Variants in DGLUCY observed in about 807,000 individuals in gnomAD.
DGLUCY encodes the protein D-glutamate cyclase, also known as D-glutamate cyclase, mitochondrial.
DGLUCY carries 58 observed loss-of-function variants against 58.5 expected under a neutral mutation model. The ratio of observed to expected loss-of-function variants is 0.99; its 90% CI spans 0.80 to 1.23. The LOEUF (loss-of-function observed/expected upper bound fraction) is 1.23, where lower values mean the gene tolerates loss of function less well. DGLUCY is among the 50% of genes most tolerant of loss of function. DGLUCY has a pLI of 0.00. For synonymous variants in DGLUCY, 325 were observed against 314.1 expected, an observed-to-expected ratio of 1.03 and a Z score of -0.37; for missense variants, 779 against 784.7, an observed-to-expected ratio of 0.99 and a Z score of 0.09.
At chr14:91,158,700 C>T (rs1041665617) in intron 2 of DGLUCY, among the ~76,000 whole-genome samples, 4 of 152,164 alleles carry the variant, frequency 2.6e-5, no homozygotes, top group African/African-American at 9.7e-5. Context: ...CAAACACTTA[C>T]TGAACTCCCA....
At chr14:91,069,514 A>G (rs2043880622) in intron 1 of DGLUCY, among the ~76,000 whole-genome samples, 1 of 152,178 alleles carries the variant, frequency 6.6e-6, no homozygotes, top group South Asian at 2.1e-4. Context: ...TCCTGACCTC[A>G]GGTGATCCGC....
chr14:91,168,901 A>G (rs1455736147), intron 4 of DGLUCY, among the ~76,000 whole-genome samples: 1 of 152,190 alleles, frequency 6.6e-6, no homozygotes, highest in Non-Finnish European at 1.5e-5. Context: ...AGCCTGGCCA[A>G]CGCGGTGAAA....
intron 6 of DGLUCY, among the ~76,000 whole-genome samples, chr14:91,175,389 G>A (rs1229029090): frequency 6.6e-6 from 1 of 152,150 alleles, no homozygotes; most frequent in African/African-American, 2.4e-5. Flanking sequence ...ACATTAGACA[G>A]AACCTAGCCT....
chr14:91,127,538 G>C (rs1182538873), intron 1 of DGLUCY, among the ~76,000 whole-genome samples: 2 of 152,260 alleles, frequency 1.3e-5, no homozygotes, highest in African/African-American at 2.4e-5. Context: ...CTGGGCCAGA[G>C]GGATGAGGCC....
intron 1 of DGLUCY, among the ~76,000 whole-genome samples, chr14:91,086,915 C>T (rs1348452034): frequency 1.3e-5 from 2 of 152,088 alleles, no homozygotes; most frequent in East Asian, 1.9e-4. Context: ...CCACACCTGG[C>T]TAATTTTTTG....
At chr14:91,104,826 C>T (rs1013620366), upstream of DGLUCY, among the ~76,000 whole-genome samples, 2 of 152,162 alleles carry the variant, frequency 1.3e-5, no homozygotes, top group Admixed American at 6.5e-5. Context: ...CTCTCAGCTT[C>T]CCTGCTGTTG....
intron 1 of DGLUCY, among the ~76,000 whole-genome samples, chr14:91,120,304 T>C (rs1316889813): frequency 6.6e-6 from 1 of 152,190 alleles, no homozygotes; most frequent in Non-Finnish European, 1.5e-5. Context: ...CTACTTAGCA[T>C]TCTAAAACCA....
At chr14:91,197,413 CT>C (rs1262414677) in intron 10 of DGLUCY, among the ~76,000 whole-genome samples, 1 of 152,192 alleles carries the variant, frequency 6.6e-6, no homozygotes, top group African/African-American at 2.4e-5. Context: ...CCTCTCTGAA[CT>C]GTTTTTTAAG....
chr14:91,112,446 G>A (rs1481375994), upstream of DGLUCY, among the ~76,000 whole-genome samples: 1 of 152,146 alleles, frequency 6.6e-6, no homozygotes, highest in Admixed American at 6.6e-5. Context: ...CACACGTGAT[G>A]GGTAGCTGTG....
chr14:91,136,999 C>T (rs1162424788), intron 1 of DGLUCY, among the ~76,000 whole-genome samples: 1 of 151,958 alleles, frequency 6.6e-6, no homozygotes, highest in Non-Finnish European at 1.5e-5. Context: ...CCCCAAGCCT[C>T]AGGGAAAACT....
intron 2 of DGLUCY, 147 bp from the exon 3 acceptor site, chr14:91,160,119 C>T: frequency 1.6e-6 from 1 of 640,368 alleles, no homozygotes; most frequent in Non-Finnish European, 2.8e-6. Flanking sequence ...AGAATGGATT[C>T]CAAACAATGC....
intron 1 of DGLUCY, among the ~76,000 whole-genome samples, chr14:91,156,932 G>C (rs2047651556): frequency 6.6e-6 from 1 of 152,238 alleles, no homozygotes; most frequent in Non-Finnish European, 1.5e-5. Flanking sequence ...CCTTGTTGGG[G>C]ATAGTGGGAA....
Position 91,175,667 on chromosome 14 carries a change from A to G in DGLUCY, c.608-267A>G, listed in dbSNP as rs114101343. 2,844 of 357,052 alleles carry G rather than the reference A, an allele frequency of 8.0e-3. 85 individuals are homozygous for G. Among genetic ancestry groups the G allele is most frequent in the African/African-American group, 0.054 (2,584 of 47,606 alleles). The allele number at this position is 357,052 out of a possible 1,614,324, so 22.1% of individuals were successfully genotyped here. A position where few individuals can be genotyped will look rare whatever the true frequency, so the allele number is the denominator to read the frequency against. On this transcript the variant is annotated intron_variant, in intron 6 of 13. Coordinates refer to ENST00000256324, the MANE Select transcript of DGLUCY (RefSeq NM_001102368.3). The stretch of plus-strand genomic sequence containing the variant: ...CTGCACAATGAGAGTACTAGGCTCA[A>G]TGCACCCAAGGATCCTTCCAGAAAT...
At chr14:91,157,603 G>T (rs1260220502) in intron 1 of DGLUCY, 36 bp from the exon 2 acceptor site, 2 of 152,092 alleles carry the variant, frequency 1.3e-5, no homozygotes, top group Non-Finnish European at 1.5e-5. Context: ...TCTCTGATTG[G>T]TGTATATTGA....
chr14:91,224,911 A>ACAATCCTGCTAGTAAACACTGGT lies in DGLUCY; in HGVS notation c.*80_*102dup. Reference sequence around the variant, plus strand: ...GGGGAGAATGCAGCTGCTTCTGGCGACAATCCTGCTAGTAAACACTGGTCT... The same window carrying ACAATCCTGCTAGTAAACACTGGT: ...GGGGAGAATGCAGCTGCTTCTGGCGACAATCCTGCTAGTAAACACTGGTCAATCCTGCTAGTAAACACTGGTCT... On this transcript the variant is annotated 3_prime_UTR_variant, in exon 14 of 14. Transcript: ENST00000256324. 1 of 1,430,076 alleles carries ACAATCCTGCTAGTAAACACTGGT rather than the reference A, an allele frequency of 7.0e-7. No homozygotes were observed. The highest frequency in any genetic ancestry group is 2.3e-5 in the Admixed American group (1 of 43,816). 88.6% of individuals were successfully genotyped at this position (1,430,076 alleles called of 1,614,324 possible).
chr14:91,121,828 A>G (rs2140144318), intron 1 of DGLUCY, among the ~76,000 whole-genome samples: 1 of 152,200 alleles, frequency 6.6e-6, no homozygotes, highest in South Asian at 2.1e-4. Context: ...CCCTACCCTT[A>G]AGAGGTTCAC....
At chr14:91,103,797 A>G (rs895517590), upstream of DGLUCY, among the ~76,000 whole-genome samples, 15 of 150,882 alleles carry the variant, frequency 9.9e-5, no homozygotes, top group Non-Finnish European at 4.4e-5. Context: ...ACGCACACAC[A>G]AACACATATA....
At chr14:91,125,868 G>A (rs1454654195) in intron 1 of DGLUCY, among the ~76,000 whole-genome samples, 2 of 152,212 alleles carry the variant, frequency 1.3e-5, no homozygotes, top group Non-Finnish European at 2.9e-5. Flanking sequence ...GGAGATAGAG[G>A]CTGCAGTGAG....
chr14:91,108,526 T>TGTGTGTGTGTGAGAGAGA (rs1265665234), intron 1 of DGLUCY, among the ~76,000 whole-genome samples: 8 of 52,180 alleles, frequency 1.5e-4, no homozygotes, highest in African/African-American at 3.8e-4. Context: ...TGTGTGTGTG[T>TGTGTGTGTGTGAGAGAGA]GAGAGAGAGA....
Sources: gnomAD v4.1 joint callset for allele counts (sites outside exome capture counted in the v4.1 genomes callset) on GRCh38, gnomAD v4.1.1 for gene constraint, MANE v1.5 for transcripts, NCBI Gene and HGNC (gene_info 2026-07-23, HGNC 2026-07-21) for gene names.